The following TENM4 variants were observed in gnomAD, a reference collection of about 807,000 sequenced individuals.
The protein encoded by TENM4 is teneurin-4.
TENM4 carries 82 observed loss-of-function variants against 243.3 expected under a neutral mutation model. That is an observed-to-expected ratio of 0.34 (90% confidence interval 0.28 to 0.40). TENM4 has a LOEUF of 0.40. TENM4 is among the 10% of genes least tolerant of loss of function. TENM4 has a pLI of 1.00. For synonymous variants in TENM4, 1,412 were observed against 1,456.3 expected (o/e 0.97, Z 0.69); for missense variants, 3,138 against 3,673.3 (o/e 0.85, Z 3.77).
At chr11:78,859,858 C>T (rs2136216599) in intron 10 of TENM4, among the ~76,000 whole-genome samples, 1 of 152,302 alleles carries the variant, frequency 6.6e-6, no homozygotes, top group South Asian at 2.1e-4. Context: ...TATCCCAAGC[C>T]CACCAATTCA....
intron 23 of TENM4, among the ~76,000 whole-genome samples, chr11:78,724,253 T>A (rs1855464136): frequency 6.6e-6 from 1 of 152,102 alleles, no homozygotes; most frequent in Admixed American, 6.6e-5. Context: ...CCCAGCTAAT[T>A]TTTTAAAAAC....
At chr11:78,861,005 G>A (rs924748836) in intron 10 of TENM4, among the ~76,000 whole-genome samples, 2 of 152,212 alleles carry the variant, frequency 1.3e-5, no homozygotes, top group African/African-American at 2.4e-5. Flanking sequence ...TTTAAAGAAC[G>A]TCTGATAGAG....
intron 6 of TENM4, among the ~76,000 whole-genome samples, chr11:78,907,574 C>T (rs1856090769): frequency 6.6e-6 from 1 of 152,190 alleles, no homozygotes; most frequent in Admixed American, 6.5e-5. Flanking sequence ...TCCTACTTCA[C>T]CACTTTCTGG....
intron 12 of TENM4, among the ~76,000 whole-genome samples, chr11:78,820,573 G>T (rs949636102): frequency 2.0e-5 from 3 of 152,154 alleles, no homozygotes; most frequent in Admixed American, 1.3e-4. Flanking sequence ...TGGCAGAGCT[G>T]GTATTTTGGT....
rs1298554649 is a variant in TENM4 at position 78,701,702 on chromosome 11, C to T, written c.4911G>A (p.Gly1637=). Residue 1637 remains glycine (G), a synonymous_variant, in exon 28 of 34, where the codon GGG becomes GGA. Coordinates refer to ENST00000278550, the MANE Select transcript of TENM4 (RefSeq NM_001098816.3). ...CTGGGACCACCAGCCAGAGGGGCAT[C>T]CCAGTAGAGTCTCGGCGGACATTTA... The part of the protein sequence containing the change: ...NMVNVRRDST[G]MPLWLVVPDG... The T allele has an allele frequency of 6.2e-7, 1 of 1,613,934 alleles. No individual in the cohort carries two copies. Among genetic ancestry groups the T allele is most frequent in the Non-Finnish European group, 8.5e-7 (1 of 1,179,866 alleles).
intron 3 of TENM4, among the ~76,000 whole-genome samples, chr11:79,153,644 CG>C (rs1322178430): frequency 2.0e-5 from 3 of 152,242 alleles, no homozygotes; most frequent in Admixed American, 1.3e-4. Context: ...GTGGTTCTTG[CG>C]GCTGAAAGAA....
At chr11:78,791,513 T>C (rs1439306023) in intron 15 of TENM4, among the ~76,000 whole-genome samples, 1 of 152,214 alleles carries the variant, frequency 6.6e-6, no homozygotes, top group African/African-American at 2.4e-5. Flanking sequence ...AGGACTGCTG[T>C]AGGAATTACT....
At chr11:78,803,653 C>T (rs1444328597) in intron 15 of TENM4, among the ~76,000 whole-genome samples, 7 of 152,174 alleles carry the variant, frequency 4.6e-5, no homozygotes, top group Non-Finnish European at 7.3e-5. Flanking sequence ...CGGTTGTTTC[C>T]GTTTACTGAG....
intron 17 of TENM4, among the ~76,000 whole-genome samples, chr11:78,776,427 G>C (rs918183874): frequency 1.3e-5 from 2 of 152,080 alleles, no homozygotes; most frequent in Admixed American, 1.3e-4. Flanking sequence ...TTGAGAGCAG[G>C]GACCATATCT....
chr11:79,212,016 A>G (rs907398827), intron 3 of TENM4, among the ~76,000 whole-genome samples: 1 of 152,154 alleles, frequency 6.6e-6, no homozygotes, highest in Non-Finnish European at 1.5e-5. Context: ...AAAGAGTCCA[A>G]CTTTATGTTT....
chr11:78,891,151 T>A, intron 8 of TENM4, 87 bp downstream of exon 8: 1 of 1,248,718 alleles, frequency 8.0e-7, no homozygotes, highest in Non-Finnish European at 1.1e-6. Flanking sequence ...CCCCAGAAGA[T>A]CCCAGGGAAA....
chr11:78,843,776 G>A (rs541483257), intron 12 of TENM4, among the ~76,000 whole-genome samples: 2 of 152,290 alleles, frequency 1.3e-5, no homozygotes, highest in South Asian at 4.2e-4. Flanking sequence ...AAGAAAGATG[G>A]AATCTAGCAG....
chr11:78,708,984 T>TTTTTTTTTTTA (rs59432159), intron 26 of TENM4, among the ~76,000 whole-genome samples: 2 of 145,258 alleles, frequency 1.4e-5, no homozygotes, highest in African/African-American at 5.4e-5. Context: ...TTTTTTTTTT[T>TTTTTTTTTTTA]AAAAAAAGAG....
intron 29 of TENM4, among the ~76,000 whole-genome samples, chr11:78,687,047 C>A (rs7104974): frequency 2.0e-5 from 3 of 152,150 alleles, no homozygotes; most frequent in African/African-American, 2.4e-5. Flanking sequence ...CTAAAGAGAT[C>A]GACTGAGCAG....
intron 3 of TENM4, among the ~76,000 whole-genome samples, chr11:79,213,669 G>C (rs530490170): frequency 3.1e-4 from 47 of 152,362 alleles, no homozygotes; most frequent in South Asian, 1.9e-3. Flanking sequence ...GAACCAGGGA[G>C]AGAAAGCCCC....
At chr11:79,069,252 G>T (rs1860344612) in intron 5 of TENM4, among the ~76,000 whole-genome samples, 1 of 152,156 alleles carries the variant, frequency 6.6e-6, no homozygotes, top group Non-Finnish European at 1.5e-5. Context: ...CAAAGAAACT[G>T]CTAAATATGT....
At chr11:79,130,417 G>C (rs1022142662) in intron 4 of TENM4, among the ~76,000 whole-genome samples, 1 of 151,936 alleles carries the variant, frequency 6.6e-6, no homozygotes, top group South Asian at 2.1e-4. Context: ...AAGAAGTCAG[G>C]AGGTTAGTCA....
intron 1 of TENM4, among the ~76,000 whole-genome samples, chr11:79,410,850 C>G (rs1371718919): frequency 6.6e-6 from 1 of 152,182 alleles, no homozygotes. Context: ...CTCTAAACCT[C>G]CATAGTAAGT....
chr11:78,732,171 G>T lies in TENM4; in HGVS notation c.3138+145C>A. On this transcript the variant is annotated intron_variant, in intron 21 of 33. Transcript: ENST00000278550. ...TACACCATGCCTGCTGTGGGGTTTG[G>T]TGGCTGGATTTTGCATAACAGGCTG... 2.5e-6 allele frequency: 3 copies of T among 1,189,766 alleles called. No homozygotes were observed. The South Asian group carries it at 5.3e-5, about 21-fold the overall frequency. The allele number at this position is 1,189,766 out of a possible 1,614,324, so 73.7% of individuals were successfully genotyped here. A position where few individuals can be genotyped will look rare whatever the true frequency, so the allele number is the denominator to read the frequency against.
Sources: gnomAD v4.1 joint callset for allele counts (sites outside exome capture counted in the v4.1 genomes callset) on GRCh38, gnomAD v4.1.1 for gene constraint, MANE v1.5 for transcripts, NCBI Gene and HGNC (gene_info 2026-07-23, HGNC 2026-07-21) for gene names.